SV2B: variants seen among roughly 807,000 people sequenced by gnomAD.
SV2B encodes the protein synaptic vesicle glycoprotein 2B, also known as solute carrier family 22 member B2.
In SV2B, 41 loss-of-function variants were observed where a neutral mutation model predicts 73.9. The observed-to-expected ratio is 0.56, with a 90% CI of 0.43 to 0.72. The LOEUF is 0.72. Ranked by LOEUF, SV2B falls within the 30% of genes least tolerant of loss-of-function variation. SV2B has a pLI of 0.00. For synonymous variants in SV2B, 314 were observed against 314.2 expected (o/e 1.00, Z 0.01); for missense variants, 764 against 857.8 (o/e 0.89, Z 1.37).
chr15:91,189,873 A>G (rs1170881496), intron 1 of SV2B, among the ~76,000 whole-genome samples: 1 of 152,072 alleles, frequency 6.6e-6, no homozygotes, highest in Non-Finnish European at 1.5e-5. Flanking sequence ...CTGTAGTTCC[A>G]GCTACTCAGG....
chr15:91,193,989 A>G (rs1445184105), intron 1 of SV2B, among the ~76,000 whole-genome samples: 1 of 151,778 alleles, frequency 6.6e-6, no homozygotes, highest in Non-Finnish European at 1.5e-5. Context: ...TCACCAGGGT[A>G]TAGAGGTTTT....
rs574834110 is a variant in SV2B at position 91,292,285 on chromosome 15, C to T, written c.1869-84C>T. The T allele has an allele frequency of 5.8e-6, 8 of 1,383,462 alleles. No homozygotes were observed. In the East Asian group the frequency reaches 1.7e-4, roughly 29 times the overall value. The allele number at this position is 1,383,462 out of a possible 1,614,324, so 85.7% of individuals were successfully genotyped here. A position where few individuals can be genotyped will look rare whatever the true frequency, so the allele number is the denominator to read the frequency against. On this transcript the variant is annotated intron_variant, in intron 12 of 12. Transcript: ENST00000394232. ...AAAACTCCCTTGCACCCTCTTCCCC[C>T]TGCAATAAGGAAAAGAAAGAGCCCA...
chr15:91,230,595 AT>A (rs2046538971), intron 2 of SV2B, among the ~76,000 whole-genome samples: 1 of 152,212 alleles, frequency 6.6e-6, no homozygotes, highest in African/African-American at 2.4e-5. Flanking sequence ...CTGTGAGTAT[AT>A]TGTTAACATT....
chr15:91,193,724 C>T (rs2045134902), intron 1 of SV2B, among the ~76,000 whole-genome samples: 2 of 152,170 alleles, frequency 1.3e-5, no homozygotes, highest in South Asian at 4.1e-4. Flanking sequence ...TTTATATTAA[C>T]ATGAGGACTA....
At chr15:91,143,174 C>T (rs1412397375) in intron 1 of SV2B, among the ~76,000 whole-genome samples, 2 of 152,262 alleles carry the variant, frequency 1.3e-5, no homozygotes, top group East Asian at 1.9e-4. Flanking sequence ...GTTGGGGTGT[C>T]GCTGTGGGAA....
Position 91,289,766 on chromosome 15 carries a change from C to A in SV2B, c.1868+86C>A. ...CCTGCTCCCTAAATCTCATGCTGTG[C>A]ATGGCCATCGTGGTCTTTCTGCTGT... On this transcript the variant is annotated intron_variant, in intron 12 of 12. Coordinates refer to ENST00000394232, the MANE Select transcript of SV2B (RefSeq NM_001323032.3). This position sits in a 1 kb window ranked among gnomAD's most constrained non-coding sequence, Gnocchi z 4.9. The A allele has an allele frequency of 1.4e-6, 2 of 1,416,810 alleles. No individual in the cohort carries two copies. The highest frequency in any genetic ancestry group is 1.9e-6 in the Non-Finnish European group (2 of 1,048,038). The allele number at this position is 1,416,810 out of a possible 1,614,324, so 87.8% of individuals were successfully genotyped here. A position where few individuals can be genotyped will look rare whatever the true frequency, so the allele number is the denominator to read the frequency against.
In SV2B at chr15:91,229,988, C is replaced by T. The variant is rs1464559365; in HGVS notation, c.451+3274C>T. Among the ~76,000 whole-genome samples the T allele has an allele frequency of 6.6e-6, 1 of 152,198 alleles. No individual in the cohort carries two copies. The highest frequency in any genetic ancestry group is 1.5e-5 in the Non-Finnish European group (1 of 68,032). On this transcript the variant is annotated intron_variant, in intron 2 of 12. Transcript: ENST00000394232. The surrounding 1 kb of genome is among the most constrained non-coding windows in gnomAD (Gnocchi z 4.3). ...GGGTGTGGTGGCCCATGCCTGTAAT[C>T]CCAGTGCTTTGGGAGGCTGAGGTGG...
chr15:91,131,599 A>G lies in SV2B; in HGVS notation c.-392+31236A>G, dbSNP rs1415282646. Among the ~76,000 whole-genome samples, 10 of 151,478 alleles carry G rather than the reference A, an allele frequency of 6.6e-5. No individual in the cohort carries two copies. In the East Asian group the frequency reaches 1.9e-3, roughly 29 times the overall value. On this transcript the variant is annotated intron_variant, in intron 1 of 12. Transcript: ENST00000394232. ...GCAGAAGGATTGCTTGAGGCCAGGA[A>G]TTTGGCGTCAGCCTGGGCAACATAG...
chr15:91,273,514 C>T (rs999315175), intron 9 of SV2B, among the ~76,000 whole-genome samples: 3 of 152,146 alleles, frequency 2.0e-5, no homozygotes, highest in African/African-American at 7.2e-5. Flanking sequence ...AACATGTGCA[C>T]ATGTTGTAGC....
At chr15:91,145,614 T>A (rs2043125118) in intron 1 of SV2B, among the ~76,000 whole-genome samples, 3 of 152,208 alleles carry the variant, frequency 2.0e-5, no homozygotes, top group African/African-American at 7.2e-5. Flanking sequence ...CAACAGTGTA[T>A]AAGCATTCCT....
chr15:91,158,633 C>CCTCTTCTCTTCTCTT (rs368190783), intron 1 of SV2B, among the ~76,000 whole-genome samples: 979 of 54,328 alleles, frequency 0.018, 44 homozygotes, highest in East Asian at 0.049. Context: ...TTTTATTTTC[C>CCTCTTCTCTTCTCTT]CTCTTCTCTT....
At chr15:91,260,242 G>A (rs998488147) in intron 5 of SV2B, 78 bp from the exon 6 acceptor site, 2 of 1,286,690 alleles carry the variant, frequency 1.6e-6, no homozygotes, top group African/African-American at 1.5e-5. Flanking sequence ...CATTGAGTTT[G>A]TAGGATTTTC....
intron 1 of SV2B, among the ~76,000 whole-genome samples, chr15:91,101,001 G>T (rs896711993): frequency 1.3e-5 from 2 of 152,256 alleles, no homozygotes; most frequent in Non-Finnish European, 2.9e-5. Context: ...GTCTTCGGCA[G>T]ACGGGTGGTA....
rs1436418611 is a variant in SV2B at position 91,122,006 on chromosome 15, C to A, written c.-392+21643C>A. On this transcript the variant is annotated intron_variant, in intron 1 of 12. Transcript: ENST00000394232. This position sits in a 1 kb window ranked among gnomAD's most constrained non-coding sequence, Gnocchi z 4.3. ...AGCCAGGATGGTCTCGATCTCCTGA[C>A]TTCATGATTCGCCTGCCTTGGCCTC... Among the ~76,000 whole-genome samples, 1 of 152,128 alleles carries A rather than the reference C, an allele frequency of 6.6e-6. No individual in the cohort carries two copies. Among genetic ancestry groups the A allele is most frequent in the Non-Finnish European group, 1.5e-5 (1 of 68,024 alleles).
chr15:91,186,058 A>G lies in SV2B; in HGVS notation c.-391-39815A>G, dbSNP rs555980483. 3.5e-4 allele frequency among the ~76,000 whole-genome samples: 54 copies of G among 152,276 alleles called. 1 individual carries two copies. In the South Asian group the frequency reaches 7.9e-3, roughly 22 times the overall value. On this transcript the variant is annotated intron_variant, in intron 1 of 12. Coordinates refer to ENST00000394232, the MANE Select transcript of SV2B (RefSeq NM_001323032.3). The stretch of plus-strand genomic sequence containing the variant: ...CATACACGAGGATTCTTTATGGACT[A>G]TTACACAATGGTATTATTCTTCTCT...
Position 91,115,318 on chromosome 15 carries a change from G to A in SV2B, c.-392+14955G>A, listed in dbSNP as rs2042147620. Among the ~76,000 whole-genome samples, 1 of 152,138 alleles carries A rather than the reference G, an allele frequency of 6.6e-6. No individual in the cohort carries two copies. The highest frequency in any genetic ancestry group is 2.1e-4 in the South Asian group (1 of 4,832). ...GTTGCTGAAATAAAGATAACACAGT[G>A]CTACCTTTGTTGGTGAGTGTTGACG... On this transcript the variant is annotated intron_variant, in intron 1 of 12. Transcript: ENST00000394232. The surrounding 1 kb of genome is among the most constrained non-coding windows in gnomAD (Gnocchi z 4.3).
intron 1 of SV2B, among the ~76,000 whole-genome samples, chr15:91,111,160 G>A (rs896052931): frequency 1.3e-5 from 2 of 152,114 alleles, no homozygotes; most frequent in Admixed American, 6.5e-5. Flanking sequence ...GCAGCATCTC[G>A]GGGCACTACA....
intron 1 of SV2B, among the ~76,000 whole-genome samples, chr15:91,204,556 C>CTT (rs568973449): frequency 1.7e-4 from 22 of 127,808 alleles, no homozygotes; most frequent in African/African-American, 2.3e-4. Context: ...TCTTCTTCTT[C>CTT]TTTTTTTTTT....
chr15:91,191,306 C>T (rs2045019816), intron 1 of SV2B, among the ~76,000 whole-genome samples: 1 of 152,030 alleles, frequency 6.6e-6, no homozygotes, highest in South Asian at 2.1e-4. Flanking sequence ...TAGTAATCTT[C>T]TTCTCAATTA....
Sources: allele counts gnomAD v4.1 joint callset (sites outside exome capture counted in the v4.1 genomes callset), GRCh38; gene constraint gnomAD v4.1.1; non-coding constraint Gnocchi (gnomAD v3.1); transcripts MANE v1.5; gene names NCBI Gene and HGNC (gene_info 2026-07-23, HGNC 2026-07-21).